SLC5A4: variants seen among roughly 807,000 people sequenced by gnomAD.
The protein encoded by SLC5A4 is probable glucose sensor protein SLC5A4.
In SLC5A4, 55 loss-of-function variants were observed where a neutral mutation model predicts 70.3. The ratio of observed to expected loss-of-function variants is 0.78; its 90% CI spans 0.63 to 0.98. The LOEUF is 0.98. Among genes scored for constraint, SLC5A4 ranks in the 50% least tolerant of loss-of-function variants. The pLI, the probability that SLC5A4 is intolerant of heterozygous loss-of-function variation, is 0.00. For synonymous variants in SLC5A4, 268 were observed against 305.7 expected (o/e 0.88, Z 1.29); for missense variants, 735 against 839.2 (o/e 0.88, Z 1.53).
chr22:32,335,293 C>T, the SLC5A4 span, among the ~76,000 whole-genome samples: 2 of 152,304 alleles, frequency 1.3e-5, no homozygotes, highest in East Asian at 1.9e-4. Context: ...TGGGATACAA[C>T]GAGCCCAGAG....
At chr22:32,335,078 G>C in the SLC5A4 span, among the ~76,000 whole-genome samples, 1 of 152,180 alleles carries the variant, frequency 6.6e-6, no homozygotes, top group Non-Finnish European at 1.5e-5. Context: ...ATCACAGGGA[G>C]GGTCACAGGG....
upstream of SLC5A4, among the ~76,000 whole-genome samples, chr22:32,257,696 A>C (rs1927563849): frequency 3.8e-5 from 5 of 130,374 alleles, no homozygotes; most frequent in African/African-American, 6.5e-5. Context: ...ACAGAGTTTC[A>C]CTCTTGTTGC....
the SLC5A4 span, among the ~76,000 whole-genome samples, chr22:32,289,758 T>C: frequency 2.0e-5 from 3 of 152,244 alleles, no homozygotes; most frequent in Non-Finnish European, 4.4e-5. Context: ...CTTATAGTAG[T>C]GTGAGAATGG....
At chr22:32,334,739 G>A in the SLC5A4 span, among the ~76,000 whole-genome samples, 3 of 152,222 alleles carry the variant, frequency 2.0e-5, no homozygotes, top group Admixed American at 1.3e-4. Flanking sequence ...GCTTTGGGGA[G>A]GACGTCAGCG....
the SLC5A4 span, chr22:32,273,140 C>T: frequency 2.5e-5 from 11 of 435,292 alleles, no homozygotes; most frequent in Admixed American, 1.0e-4. Context: ...ACCACCACAC[C>T]GCACTACCTC....
the SLC5A4 span, among the ~76,000 whole-genome samples, chr22:32,332,718 G>A: frequency 2.0e-5 from 3 of 152,272 alleles, no homozygotes; most frequent in Non-Finnish European, 4.4e-5. Context: ...CTGACGTTCA[G>A]ACACTTCTCG....
At chr22:32,310,012 T>C in the SLC5A4 span, among the ~76,000 whole-genome samples, 2 of 148,280 alleles carry the variant, frequency 1.3e-5, no homozygotes, top group African/African-American at 5.0e-5. Context: ...ACCCCATGAG[T>C]TTTTCAGTTA....
the SLC5A4 span, among the ~76,000 whole-genome samples, chr22:32,335,017 C>T: frequency 2.6e-5 from 4 of 152,158 alleles, no homozygotes; most frequent in Non-Finnish European, 4.4e-5. Context: ...AGGGAGAGAG[C>T]GGGGCCAGCT....
At chr22:32,332,081 G>A in the SLC5A4 span, among the ~76,000 whole-genome samples, 14 of 149,362 alleles carry the variant, frequency 9.4e-5, no homozygotes, top group African/African-American at 3.2e-4. Context: ...CCCTGGTGCC[G>A]GCCCCTCCCC....
At chr22:32,346,252 T>C in the SLC5A4 span, among the ~76,000 whole-genome samples, 1 of 152,186 alleles carries the variant, frequency 6.6e-6, no homozygotes, top group South Asian at 2.1e-4. Flanking sequence ...TAGTACATAA[T>C]TGTTTTAATG....
At chr22:32,228,389 A>G (rs1925529508) in intron 11 of SLC5A4, among the ~76,000 whole-genome samples, 1 of 152,160 alleles carries the variant, frequency 6.6e-6, no homozygotes, top group South Asian at 2.1e-4. Context: ...AAAAATACAA[A>G]AAATTATCTG....
chr22:32,334,029 G>GCA, the SLC5A4 span, among the ~76,000 whole-genome samples: 5 of 144,450 alleles, frequency 3.5e-5, no homozygotes, highest in Admixed American at 6.9e-5. Flanking sequence ...GATACACCAT[G>GCA]CACACACACA....
chr22:32,312,747 T>C, the SLC5A4 span, among the ~76,000 whole-genome samples: 3 of 152,050 alleles, frequency 2.0e-5, no homozygotes, highest in Non-Finnish European at 4.4e-5. Flanking sequence ...TCTGTAGAAG[T>C]TGTCCTTCTC....
rs1025133123 is a variant in SLC5A4 at position 32,237,252 on chromosome 22, A to G, written c.656T>C (p.Met219Thr). Reference protein sequence around the residue: ...IIMLIGSFILMGFAFNEVGGY... With the variant: ...IIMLIGSFILTGFAFNEVGGY... ...GCAGGGTCATCACTTACCAAACCCC[A>G]TGAGAATAAAAGAGCCAATCAGCAT... is the stretch of plus-strand genomic sequence containing the variant. Residue 219 changes from methionine to threonine, a missense_variant, in exon 7 of 15, where the codon ATG becomes ACG. By Grantham distance (81) the Met-to-Thr change is moderately conservative (BLOSUM62 -1). Transcript: ENST00000266086. 2 of 1,608,302 alleles carry G rather than the reference A, an allele frequency of 1.2e-6. No individual in the cohort carries two copies. Among genetic ancestry groups the G allele is most frequent in the Non-Finnish European group, 1.7e-6 (2 of 1,176,788 alleles).
At chr22:32,254,586 C>T (rs1927363549) in intron 1 of SLC5A4, among the ~76,000 whole-genome samples, 1 of 152,048 alleles carries the variant, frequency 6.6e-6, no homozygotes, top group Non-Finnish European at 1.5e-5. Flanking sequence ...GGGTGGATCA[C>T]AAGGTCAAGA....
chr22:32,331,306 G>A, the SLC5A4 span, among the ~76,000 whole-genome samples: 15 of 151,966 alleles, frequency 9.9e-5, no homozygotes, highest in African/African-American at 1.7e-4. Flanking sequence ...CTTTGGACAC[G>A]TGCTTTGGCC....
At chr22:32,242,481 G>A (rs986817789) in intron 5 of SLC5A4, among the ~76,000 whole-genome samples, 2 of 152,112 alleles carry the variant, frequency 1.3e-5, no homozygotes, top group Admixed American at 6.5e-5. Context: ...AGGCCAAGGC[G>A]GGCAGATCAC....
At chr22:32,345,400 G>A in the SLC5A4 span, among the ~76,000 whole-genome samples, 7 of 152,232 alleles carry the variant, frequency 4.6e-5, no homozygotes, top group Non-Finnish European at 8.8e-5. Flanking sequence ...GCACATCTAA[G>A]CCATTCAGAA....
the SLC5A4 span, among the ~76,000 whole-genome samples, chr22:32,276,394 A>C: frequency 6.6e-6 from 1 of 152,234 alleles, no homozygotes; most frequent in African/African-American, 2.4e-5. Flanking sequence ...ACGGCTGACA[A>C]GGCATTTAGC....
Sources: gnomAD v4.1 joint callset for allele counts (sites outside exome capture counted in the v4.1 genomes callset) on GRCh38, gnomAD v4.1.1 for gene constraint, MANE v1.5 for transcripts, NCBI Gene and HGNC (gene_info 2026-07-23, HGNC 2026-07-21) for gene names.